LTBP1: variants seen among roughly 807,000 people sequenced by gnomAD.
LTBP1 encodes latent transforming growth factor beta binding protein 1.
A neutral mutation model predicts 207.6 loss-of-function variants in LTBP1; 129 were observed. The ratio of observed to expected loss-of-function variants is 0.62; its 90% CI spans 0.54 to 0.72. The LOEUF (loss-of-function observed/expected upper bound fraction) is 0.72, where lower values mean the gene tolerates loss of function less well. LTBP1 is among the 30% of genes least tolerant of loss of function. LTBP1 has a pLI of 0.00. For synonymous variants in LTBP1, 963 were observed against 833.7 expected (o/e 1.16, Z -2.67); for missense variants, 2,281 against 2,217.2 (o/e 1.03, Z -0.58).
intron 19 of LTBP1, among the ~76,000 whole-genome samples, chr2:33,284,686 A>G (rs796313425): frequency 4.3e-4 from 66 of 152,314 alleles, no homozygotes; most frequent in African/African-American, 1.5e-3. Context: ...GATGAGAGCC[A>G]TCCCCCAAGG....
At chr2:33,299,432 T>C (rs1192254716) in intron 20 of LTBP1, among the ~76,000 whole-genome samples, 1 of 152,150 alleles carries the variant, frequency 6.6e-6, no homozygotes, top group Non-Finnish European at 1.5e-5. Context: ...CAAATCCCTC[T>C]ATTTTATTTA....
chr2:33,344,281 C>T (rs1467520854), intron 25 of LTBP1, among the ~76,000 whole-genome samples: 3 of 152,196 alleles, frequency 2.0e-5, no homozygotes, highest in Non-Finnish European at 2.9e-5. Flanking sequence ...TAAGACTATC[C>T]TAATCTTAGT....
rs1336806111 is a variant in LTBP1, at chr2:33,293,155, T to C, written c.3113-5T>C. Reference sequence around the variant, plus strand: ...TGTTCTTTCCATTACGCAACATTCTTCAAGATGTGGACGAGTGCCTGGAAC... The same window carrying C: ...TGTTCTTTCCATTACGCAACATTCTCCAAGATGTGGACGAGTGCCTGGAAC... On this transcript the variant is annotated splice_polypyrimidine_tract_variant and splice_region_variant and intron_variant, in intron 19 of 33. Transcript: ENST00000404816. The C allele has an allele frequency of 2.5e-6, 4 of 1,609,934 alleles. No homozygotes were observed. Among genetic ancestry groups the C allele is most frequent in the Middle Eastern group, 1.7e-4 (1 of 6,046 alleles).
intron 22 of LTBP1, among the ~76,000 whole-genome samples, chr2:33,307,098 A>G (rs556593949): frequency 2.0e-5 from 3 of 152,192 alleles, no homozygotes; most frequent in Admixed American, 6.5e-5. Context: ...AAACAAAACA[A>G]AACATAACTG....
intron 9 of LTBP1, among the ~76,000 whole-genome samples, chr2:33,228,105 A>C (rs1230800986): frequency 1.3e-5 from 2 of 152,130 alleles, no homozygotes; most frequent in African/African-American, 4.8e-5. Flanking sequence ...ACGCCCGGCC[A>C]AGAAGCTCTT....
intron 2 of LTBP1, among the ~76,000 whole-genome samples, chr2:33,016,774 G>A (rs1425781168): frequency 6.6e-6 from 1 of 152,230 alleles, no homozygotes; most frequent in Non-Finnish European, 1.5e-5. Flanking sequence ...TGCAATCCTA[G>A]CACTTTGGGA....
At chr2:33,373,158 T>A (rs1004878844) in intron 31 of LTBP1, among the ~76,000 whole-genome samples, 1 of 152,224 alleles carries the variant, frequency 6.6e-6, no homozygotes, top group African/African-American at 2.4e-5. Flanking sequence ...CTATTGGCGA[T>A]GTAATGTACT....
chr2:32,954,248 A>G (rs1052839079), intron 2 of LTBP1, among the ~76,000 whole-genome samples: 5 of 152,180 alleles, frequency 3.3e-5, no homozygotes, highest in Admixed American at 3.3e-4. Context: ...CTAACTTCAC[A>G]TCATGATTTT....
At chr2:33,361,378 T>A in intron 27 of LTBP1, 51 bp from the exon 28 acceptor site, 1 of 1,239,678 alleles carries the variant, frequency 8.1e-7, no homozygotes, top group East Asian at 2.4e-5. Flanking sequence ...GAAACATGCA[T>A]TCATGGAAGA....
chr2:33,118,704 A>G (rs1271310174), intron 4 of LTBP1, among the ~76,000 whole-genome samples: 1 of 152,208 alleles, frequency 6.6e-6, no homozygotes, highest in Non-Finnish European at 1.5e-5. Flanking sequence ...TCCAGATTTC[A>G]TTCAAGGACA....
chr2:33,135,974 G>T (rs2082115101), intron 5 of LTBP1, among the ~76,000 whole-genome samples: 2 of 152,170 alleles, frequency 1.3e-5, no homozygotes, highest in African/African-American at 4.8e-5. Context: ...GTCTGGGGGG[G>T]TGGTAGGAGA....
At chr2:32,987,742 C>T (rs1182970820) in intron 2 of LTBP1, among the ~76,000 whole-genome samples, 1 of 152,202 alleles carries the variant, frequency 6.6e-6, no homozygotes, top group Non-Finnish European at 1.5e-5. Context: ...ACAAAGGTCA[C>T]TGCTGTGCCA....
intron 20 of LTBP1, among the ~76,000 whole-genome samples, chr2:33,294,660 C>T (rs1166026966): frequency 1.4e-5 from 2 of 147,828 alleles, no homozygotes; most frequent in African/African-American, 2.5e-5. Context: ...CTCACTGCAA[C>T]CTCCGCCTCC....
intron 24 of LTBP1, among the ~76,000 whole-genome samples, chr2:33,325,573 C>T (rs907145637): frequency 5.9e-5 from 9 of 152,040 alleles, no homozygotes; most frequent in African/African-American, 9.7e-5. Flanking sequence ...ACATTAATTC[C>T]GAGACTATCC....
intron 5 of LTBP1, among the ~76,000 whole-genome samples, chr2:33,135,866 G>C (rs939054602): frequency 2.6e-5 from 4 of 152,146 alleles, no homozygotes; most frequent in African/African-American, 7.2e-5. Flanking sequence ...GTTACTTTCT[G>C]AGTTACTCAC....
chr2:33,121,159 C>CTTTTTTTTTGTTT (rs2081085949), intron 4 of LTBP1, among the ~76,000 whole-genome samples: 1 of 87,536 alleles, frequency 1.1e-5, no homozygotes, highest in Non-Finnish European at 2.0e-5. Context: ...TTTGTAAAGT[C>CTTTTTTTTTGTTT]TTTTTTTTTT....
In LTBP1 at chr2:33,078,842, GTTTTC is replaced by G. The variant is rs1254837176; in HGVS notation, c.864-31720_864-31716del. ...TTTTTCTTTTCTTCTCTTCTCTTCTGTTTTCTTTTCTTTTCTTTTCTTTTTTTTTT... is the reference window on the plus strand; with the variant it reads ...TTTTTCTTTTCTTCTCTTCTCTTCTGTTTTCTTTTCTTTTCTTTTTTTTTT... On this transcript the variant is annotated intron_variant, in intron 3 of 33. Transcript: ENST00000404816. 1.6e-3 allele frequency among the ~76,000 whole-genome samples: 199 copies of G among 127,178 alleles called. 1 individual carries two copies. The highest frequency in any genetic ancestry group is 0.014 in the Middle Eastern group (3 of 214). 83.4% of individuals were successfully genotyped at this position (127,178 alleles called of 152,430 possible). A position where few individuals can be genotyped will look rare whatever the true frequency, so the allele number is the denominator to read the frequency against.
At chr2:33,204,729 GCCACCAT>G (rs1292847490) in intron 7 of LTBP1, among the ~76,000 whole-genome samples, 1 of 152,150 alleles carries the variant, frequency 6.6e-6, no homozygotes, top group Non-Finnish European at 1.5e-5. Flanking sequence ...ATAGGTGTGT[GCCACCAT>G]ACCTGGCCAT....
intron 3 of LTBP1, among the ~76,000 whole-genome samples, chr2:33,053,120 C>T (rs1460229041): frequency 6.6e-6 from 1 of 152,190 alleles, no homozygotes; most frequent in African/African-American, 2.4e-5. Flanking sequence ...ATCTGCCTGC[C>T]TCAGCCTCCC....
Sources: gnomAD v4.1 joint callset for allele counts (sites outside exome capture counted in the v4.1 genomes callset) on GRCh38, gnomAD v4.1.1 for gene constraint, MANE v1.5 for transcripts, NCBI Gene and HGNC (gene_info 2026-07-23, HGNC 2026-07-21) for gene names.